Variants in TMEM61 observed in about 807,000 individuals in gnomAD.
TMEM61 encodes the protein transmembrane protein 61.
TMEM61 carries 13 observed loss-of-function variants against 12.0 expected under a neutral mutation model. The ratio of observed to expected loss-of-function variants is 1.08; its 90% CI spans 0.70 to 1.72. TMEM61 has a LOEUF of 1.72. Ranked by LOEUF, TMEM61 falls within the 40% of genes most tolerant of loss-of-function variation. The pLI is 0.00. For synonymous variants in TMEM61, 109 were observed against 121.4 expected, an observed-to-expected ratio of 0.90 and a Z score of 0.67; for missense variants, 249 against 276.9, an observed-to-expected ratio of 0.90 and a Z score of 0.71.
At chr1:54,981,720 G>A (rs552537525) in intron 1 of TMEM61, among the ~76,000 whole-genome samples, 8 of 152,298 alleles carry the variant, frequency 5.3e-5, no homozygotes, top group Admixed American at 3.9e-4. Flanking sequence ...GGGTGCAGGA[G>A]GGAGGCTCTG....
At chr1:54,991,775 C>T in intron 2 of TMEM61, 61 bp from the exon 3 acceptor site, 1 of 1,565,432 alleles carries the variant, frequency 6.4e-7, no homozygotes, top group Non-Finnish European at 8.7e-7. Context: ...CTCACTGTCT[C>T]TCTGGCAGGC....
intron 1 of TMEM61, among the ~76,000 whole-genome samples, chr1:54,985,212 C>CGTGTGTGT (rs1249969795): frequency 1.3e-4 from 8 of 62,158 alleles, no homozygotes; most frequent in African/African-American, 3.6e-4. Flanking sequence ...CCACGGTGAA[C>CGTGTGTGT]GTGTGTATGT....
chr1:54,990,787 C>T (rs1404406498), intron 2 of TMEM61, among the ~76,000 whole-genome samples: 1 of 152,148 alleles, frequency 6.6e-6, no homozygotes, highest in Non-Finnish European at 1.5e-5. Context: ...CTCCGTGAGC[C>T]CATTTAACCT....
At chr1:54,990,925 C>T (rs1644294079) in intron 2 of TMEM61, among the ~76,000 whole-genome samples, 1 of 152,160 alleles carries the variant, frequency 6.6e-6, no homozygotes, top group South Asian at 2.1e-4. Flanking sequence ...GGGAGGTGAA[C>T]CAACCAGTGC....
intron 1 of TMEM61, among the ~76,000 whole-genome samples, chr1:54,984,035 C>G (rs983319057): frequency 1.3e-5 from 2 of 151,768 alleles, no homozygotes; most frequent in African/African-American, 4.8e-5. Flanking sequence ...TGTGTACATT[C>G]TCTCTCTCTC....
chr1:54,989,093 G>T (rs1375986748), intron 2 of TMEM61, among the ~76,000 whole-genome samples: 2 of 152,160 alleles, frequency 1.3e-5, no homozygotes, highest in African/African-American at 4.8e-5. Flanking sequence ...TTTACAGTGC[G>T]CCCTCATGCC....
At chr1:54,983,263 A>C (rs1644236307) in intron 1 of TMEM61, among the ~76,000 whole-genome samples, 1 of 151,388 alleles carries the variant, frequency 6.6e-6, no homozygotes, top group South Asian at 2.1e-4. Context: ...ACAGGTGCCC[A>C]CCACCACGCC....
intron 2 of TMEM61, among the ~76,000 whole-genome samples, chr1:54,991,241 GAA>G (rs1161461168): frequency 6.6e-6 from 1 of 152,214 alleles, no homozygotes; most frequent in African/African-American, 2.4e-5. Flanking sequence ...GTGGGGACCA[GAA>G]AAGAGTCACA....
intron 2 of TMEM61, among the ~76,000 whole-genome samples, chr1:54,989,117 C>T (rs1489353467): frequency 2.0e-5 from 3 of 152,144 alleles, no homozygotes; most frequent in Admixed American, 6.5e-5. Flanking sequence ...TAGATTTGAG[C>T]CTCAACTGCT....
At position 54,980,926 on chromosome 1, in the gene TMEM61, C is replaced by G. The variant is rs1478218896; in HGVS notation, c.-140C>G. On this transcript the variant is annotated 5_prime_UTR_variant, in exon 1 of 3. Coordinates refer to ENST00000371268, the MANE Select transcript of TMEM61 (RefSeq NM_182532.3). ...GCTCGGGGGCAGCGGCCAGGCCCCT[C>G]CGCCCCTAACACCCGCGCCTCCTGC... The G allele has an allele frequency of 3.3e-6, 3 of 898,468 alleles. No individual in the cohort carries two copies. The highest frequency in any genetic ancestry group is 3.2e-6 in the Non-Finnish European group (2 of 628,556). 55.7% of individuals were successfully genotyped at this position (898,468 alleles called of 1,614,324 possible). A position where few individuals can be genotyped will look rare whatever the true frequency, so the allele number is the denominator to read the frequency against.
At chr1:54,985,989 G>T in intron 1 of TMEM61, 108 bp from the exon 2 acceptor site, 1 of 986,870 alleles carries the variant, frequency 1.0e-6, no homozygotes, top group Non-Finnish European at 1.5e-6. Context: ...GAGGAGTTAA[G>T]TGACTTCTCC....
intron 2 of TMEM61, among the ~76,000 whole-genome samples, chr1:54,988,443 G>C (rs955620405): frequency 3.3e-5 from 5 of 152,218 alleles, no homozygotes; most frequent in African/African-American, 1.2e-4. Context: ...ACTCAAAACT[G>C]GGGGGCTGGG....
chr1:54,987,761 C>T (rs1437310876), intron 2 of TMEM61, among the ~76,000 whole-genome samples: 2 of 152,224 alleles, frequency 1.3e-5, no homozygotes, highest in Non-Finnish European at 2.9e-5. Context: ...GGCTGCACGG[C>T]TGGCATTCTT....
chr1:54,984,817 A>T (rs1644247136), intron 1 of TMEM61, among the ~76,000 whole-genome samples: 1 of 152,128 alleles, frequency 6.6e-6, no homozygotes, highest in African/African-American at 2.4e-5. Context: ...CTGAGCCTTG[A>T]GGGGAGCTAA....
chr1:54,984,954 T>A (rs1370364888), intron 1 of TMEM61, among the ~76,000 whole-genome samples: 1 of 152,112 alleles, frequency 6.6e-6, no homozygotes, highest in Non-Finnish European at 1.5e-5. Flanking sequence ...CCTTCCAGGT[T>A]TTTCCCCCCG....
Position 54,988,679 on chromosome 1 carries a change from C to T in TMEM61, c.365+2233C>T, listed in dbSNP as rs377383162. Reference sequence around the variant, plus strand: ...TGGGCAGGTCCCTTCCCCTCTTGGCCTCGGTTTCCCCGTTTATTCATCTAC... The same window carrying T: ...TGGGCAGGTCCCTTCCCCTCTTGGCTTCGGTTTCCCCGTTTATTCATCTAC... On this transcript the variant is annotated intron_variant, in intron 2 of 2. Coordinates refer to ENST00000371268, the MANE Select transcript of TMEM61 (RefSeq NM_182532.3). 2.0e-4 allele frequency among the ~76,000 whole-genome samples: 31 copies of T among 152,348 alleles called. No homozygotes were observed. In the South Asian group the frequency reaches 3.3e-3, roughly 16 times the overall value.
chr1:54,991,476 A>G (rs1644297394), intron 2 of TMEM61, among the ~76,000 whole-genome samples: 1 of 152,144 alleles, frequency 6.6e-6, no homozygotes, highest in Non-Finnish European at 1.5e-5. Context: ...TCTATGGACC[A>G]CCATCACTCA....
chr1:54,992,052 T>C lies in TMEM61; in HGVS notation c.582T>C (p.Ser194=). 2.5e-6 allele frequency: 4 copies of C among 1,611,736 alleles called. No homozygotes were observed. Among genetic ancestry groups the C allele is most frequent in the Non-Finnish European group, 3.4e-6 (4 of 1,179,316 alleles). Residue 194 remains serine (S), a synonymous_variant, in exon 3 of 3, where the codon AGT becomes AGC. Transcript: ENST00000371268. Reference sequence around the variant, plus strand: ...CCGTTTCTGCGGAGACGACACCGAGTGCCACACGCTCCTGCTCAGGCCTGG... The same window carrying C: ...CCGTTTCTGCGGAGACGACACCGAGCGCCACACGCTCCTGCTCAGGCCTGG... The part of the protein sequence containing the change: ...LDAVSAETTP[S]ATRSCSGLVQ...
intron 2 of TMEM61, among the ~76,000 whole-genome samples, chr1:54,987,665 T>G (rs1337599866): frequency 6.6e-6 from 1 of 152,176 alleles, no homozygotes; most frequent in Non-Finnish European, 1.5e-5. Flanking sequence ...ACCTCCTGTC[T>G]TTTCTATTTC....
Sources: gnomAD v4.1 joint callset for allele counts (sites outside exome capture counted in the v4.1 genomes callset) on GRCh38, gnomAD v4.1.1 for gene constraint, MANE v1.5 for transcripts, NCBI Gene and HGNC (gene_info 2026-07-23, HGNC 2026-07-21) for gene names.